The following DGKI variants were observed in gnomAD, a reference collection of about 807,000 sequenced individuals.
DGKI encodes the protein DAG kinase iota.
In DGKI, 55 loss-of-function variants were observed where a neutral mutation model predicts 147.5. That is an observed-to-expected ratio of 0.37 (90% CI 0.30 to 0.47). The LOEUF is 0.47. DGKI is among the 20% of genes least tolerant of loss of function. The probability of loss-of-function intolerance (pLI) is 1.00; values close to 1 mark genes in which losing one functional copy is unlikely to be tolerated. For missense variants in DGKI, 1,007 were observed against 1,323.8 expected, an observed-to-expected ratio of 0.76 and a Z score of 3.71; for synonymous variants, 469 against 477.1, an observed-to-expected ratio of 0.98 and a Z score of 0.22.
intron 28 of DGKI, among the ~76,000 whole-genome samples, chr7:137,419,628 C>T (rs1812484794): frequency 6.6e-6 from 1 of 152,090 alleles, no homozygotes; most frequent in East Asian, 1.9e-4. Flanking sequence ...GTGAATTATG[C>T]TAATGAGGCA....
At position 137,615,465 on chromosome 7, in the gene DGKI, C is replaced by T. The variant is rs1335508689; in HGVS notation, c.993+4359G>A. Among the ~76,000 whole-genome samples, 4 of 151,322 alleles carry T rather than the reference C, an allele frequency of 2.6e-5. No homozygotes were observed. The East Asian group carries it at 5.8e-4, about 22-fold the overall frequency. ...CTGAATTCAATTAAGAACATCTTCT[C>T]TATTATTTATTTTGAAGCAGTATGA... On this transcript the variant is annotated intron_variant, in intron 8 of 32. Coordinates refer to ENST00000614521, the MANE Select transcript of DGKI (RefSeq NM_001321708.2).
rs1814938611 is a variant in DGKI, at chr7:137,472,148, TAC to T, written c.2374-2531_2374-2530del. Among the ~76,000 whole-genome samples, 4 of 122,614 alleles carry T rather than the reference TAC, an allele frequency of 3.3e-5. No homozygotes were observed. The South Asian group carries it at 9.5e-4, about 29-fold the overall frequency. 80.4% of individuals were successfully genotyped at this position (122,614 alleles called of 152,430 possible). On this transcript the variant is annotated intron_variant, in intron 23 of 32. Coordinates refer to ENST00000614521, the MANE Select transcript of DGKI (RefSeq NM_001321708.2). ...ATATATACACATATATATGTGTATA[TAC>T]ATATAAATATTATATATACACATAT...
At chr7:137,403,259 T>C (rs1284483799) in intron 30 of DGKI, among the ~76,000 whole-genome samples, 1 of 152,002 alleles carries the variant, frequency 6.6e-6, no homozygotes, top group Non-Finnish European at 1.5e-5. Context: ...CAGTTTTTCA[T>C]AAAGGAAAGC....
chr7:137,652,832 A>G (rs1317901056), intron 5 of DGKI, among the ~76,000 whole-genome samples: 2 of 152,094 alleles, frequency 1.3e-5, no homozygotes, highest in African/African-American at 2.4e-5. Context: ...AATGTTTGTG[A>G]TTCTCAGATA....
At chr7:137,779,557 T>C (rs1313085978) in intron 1 of DGKI, among the ~76,000 whole-genome samples, 1 of 152,184 alleles carries the variant, frequency 6.6e-6, no homozygotes, top group Non-Finnish European at 1.5e-5. Flanking sequence ...TTACCAACCA[T>C]GAATCTGATA....
At chr7:137,445,957 A>C (rs1221745819) in intron 27 of DGKI, among the ~76,000 whole-genome samples, 1 of 152,244 alleles carries the variant, frequency 6.6e-6, no homozygotes, top group Non-Finnish European at 1.5e-5. Context: ...CCTATATTTT[A>C]AGTAAGATGA....
chr7:137,648,157 A>C (rs532235435), intron 5 of DGKI, among the ~76,000 whole-genome samples: 125 of 152,344 alleles, frequency 8.2e-4, no homozygotes, highest in African/African-American at 2.7e-3. Flanking sequence ...GAAAAATGTA[A>C]TATAATTGCT....
intron 30 of DGKI, among the ~76,000 whole-genome samples, chr7:137,400,524 G>C (rs978393280): frequency 1.4e-4 from 22 of 152,270 alleles, no homozygotes; most frequent in African/African-American, 5.1e-4. Flanking sequence ...GCAATAATTT[G>C]ACAATATGAA....
intron 19 of DGKI, among the ~76,000 whole-genome samples, chr7:137,561,725 AAAC>A (rs1181073097): frequency 3.3e-5 from 5 of 151,496 alleles, no homozygotes; most frequent in Admixed American, 6.7e-5. Context: ...ATTTTTAAAA[AAAC>A]AACAAATAAA....
intron 6 of DGKI, among the ~76,000 whole-genome samples, chr7:137,639,660 G>T (rs767120326): frequency 6.6e-5 from 10 of 152,116 alleles, no homozygotes; most frequent in Non-Finnish European, 1.2e-4. Flanking sequence ...CAAGTGGGCG[G>T]GAACTACTGA....
At chr7:137,519,013 C>G (rs149739141) in intron 21 of DGKI, among the ~76,000 whole-genome samples, 2 of 151,972 alleles carry the variant, frequency 1.3e-5, no homozygotes, top group Non-Finnish European at 2.9e-5. Context: ...CAAACCACAA[C>G]TATTATCTGA....
chr7:137,785,114 C>T (rs1796626262), intron 1 of DGKI, among the ~76,000 whole-genome samples: 1 of 151,374 alleles, frequency 6.6e-6, no homozygotes, highest in Admixed American at 6.6e-5. Flanking sequence ...AAAGAAATAA[C>T]AAAGATCAGA....
At chr7:137,477,704 G>A (rs551650677) in intron 23 of DGKI, among the ~76,000 whole-genome samples, 13 of 151,998 alleles carry the variant, frequency 8.6e-5, no homozygotes, top group African/African-American at 1.2e-4. Flanking sequence ...TCACCCAGGC[G>A]GGAGTGCAGT....
intron 1 of DGKI, among the ~76,000 whole-genome samples, chr7:137,706,718 G>A (rs957376124): frequency 6.6e-6 from 1 of 151,738 alleles, no homozygotes; most frequent in Non-Finnish European, 1.5e-5. Context: ...GACTACAGGC[G>A]CATGCCACCA....
Position 137,587,228 on chromosome 7 carries a change from G to T in DGKI, c.1312-18C>A, listed in dbSNP as rs761945383. 8 of 1,575,518 alleles carry T rather than the reference G, an allele frequency of 5.1e-6. No individual in the cohort carries two copies. The highest frequency in any genetic ancestry group is 6.9e-6 in the Non-Finnish European group (8 of 1,160,402). On this transcript the variant is annotated intron_variant, in intron 12 of 32. Transcript: ENST00000614521. ...CAGCCCACCTACAGGCGTATCGGGG[G>T]CCAGAAGAGATATAAGAAAGATAAA...
At chr7:137,814,314 C>CA (rs1481505727) in intron 1 of DGKI, among the ~76,000 whole-genome samples, 1 of 152,026 alleles carries the variant, frequency 6.6e-6, no homozygotes, top group African/African-American at 2.4e-5. Context: ...AAAGAAATGC[C>CA]AAAAAACGAT....
At chr7:137,721,021 C>A (rs1051100583) in intron 1 of DGKI, among the ~76,000 whole-genome samples, 3 of 152,124 alleles carry the variant, frequency 2.0e-5, no homozygotes, top group Admixed American at 1.3e-4. Flanking sequence ...TCATAGGATA[C>A]CTTTTTGCAT....
intron 27 of DGKI, among the ~76,000 whole-genome samples, chr7:137,446,831 G>T (rs192137173): frequency 6.6e-5 from 10 of 152,262 alleles, no homozygotes; most frequent in African/African-American, 2.4e-4. Context: ...AACAACAGAG[G>T]TTCAATCCCA....
intron 1 of DGKI, among the ~76,000 whole-genome samples, chr7:137,770,581 T>C (rs1796161870): frequency 9.6e-6 from 1 of 103,914 alleles, no homozygotes; most frequent in South Asian, 2.9e-4. Flanking sequence ...TCGCCCAGGC[T>C]GGAGTGCAGT....
Sources: allele counts gnomAD v4.1 joint callset (sites outside exome capture counted in the v4.1 genomes callset), GRCh38; gene constraint gnomAD v4.1.1; transcripts MANE v1.5; gene names NCBI Gene and HGNC (gene_info 2026-07-23, HGNC 2026-07-21).